GABBR2: variants seen among roughly 807,000 people sequenced by gnomAD.
The protein encoded by GABBR2 is gamma-aminobutyric acid type B receptor subunit 2, also known as G-protein coupled receptor 51.
Under a neutral mutation model 105.6 loss-of-function variants are expected in GABBR2, and 23 were observed. The observed-to-expected ratio is 0.22, with a 90% CI of 0.16 to 0.31. GABBR2 has a LOEUF of 0.31. GABBR2 is among the 10% of genes least tolerant of loss of function. GABBR2 has a pLI of 1.00. For missense variants in GABBR2, 734 were observed against 1,245.5 expected, an observed-to-expected ratio of 0.59 and a Z score of 6.18; for synonymous variants, 478 against 499.7, an observed-to-expected ratio of 0.96 and a Z score of 0.58.
chr9:98,302,960 T>C, intron 16 of GABBR2: 1 of 425,824 alleles, frequency 2.3e-6, no homozygotes, highest in Non-Finnish European at 4.1e-6. Flanking sequence ...ATCCAGAAGC[T>C]CACAAATCTC....
chr9:98,636,859 C>T (rs892159616), intron 1 of GABBR2, among the ~76,000 whole-genome samples: 1 of 152,148 alleles, frequency 6.6e-6, no homozygotes, highest in Non-Finnish European at 1.5e-5. Context: ...AATCTCCCAA[C>T]CCACACTAAA....
chr9:98,567,988 A>G (rs1378175185), intron 2 of GABBR2, among the ~76,000 whole-genome samples: 1 of 152,076 alleles, frequency 6.6e-6, no homozygotes, highest in East Asian at 1.9e-4. Context: ...TAAATATAGC[A>G]TGAGTCAGTG....
chr9:98,495,657 C>T (rs759064449), intron 4 of GABBR2, among the ~76,000 whole-genome samples: 8 of 152,162 alleles, frequency 5.3e-5, no homozygotes, highest in Non-Finnish European at 7.4e-5. Context: ...TCTGATCTTC[C>T]CTCCTACCGT....
chr9:98,468,785 G>A (rs1014837090), intron 6 of GABBR2, among the ~76,000 whole-genome samples: 16 of 152,282 alleles, frequency 1.1e-4, no homozygotes, highest in East Asian at 1.9e-4. Flanking sequence ...GATCCACACC[G>A]GATCTCTGGA....
chr9:98,378,653 C>A (rs1374847457), intron 11 of GABBR2, among the ~76,000 whole-genome samples: 3 of 152,222 alleles, frequency 2.0e-5, no homozygotes, highest in Admixed American at 2.0e-4. Flanking sequence ...GCATTCCATC[C>A]AGACCCCCAG....
At chr9:98,466,257 A>T (rs1826550953) in intron 6 of GABBR2, among the ~76,000 whole-genome samples, 1 of 152,170 alleles carries the variant, frequency 6.6e-6, no homozygotes, top group African/African-American at 2.4e-5. Flanking sequence ...TGAAGATACT[A>T]AAAAAAGCTG....
At chr9:98,354,264 A>C (rs486954) in intron 13 of GABBR2, among the ~76,000 whole-genome samples, 84,048 of 152,102 alleles carry the variant, frequency 0.55, 25,300 homozygotes, top group Admixed American at 0.67. Flanking sequence ...GAGTAGATTT[A>C]GCACAATTCT....
intron 14 of GABBR2, among the ~76,000 whole-genome samples, chr9:98,309,005 C>T (rs1369419213): frequency 6.6e-6 from 1 of 152,126 alleles, no homozygotes; most frequent in Non-Finnish European, 1.5e-5. Context: ...AAACATCTGG[C>T]AGTGGGGTGG....
At chr9:98,554,629 A>G (rs533558894) in intron 2 of GABBR2, among the ~76,000 whole-genome samples, 1 of 152,286 alleles carries the variant, frequency 6.6e-6, no homozygotes, top group African/African-American at 2.4e-5. Context: ...GCTGCCTATC[A>G]CCCAGTTTAA....
At chr9:98,503,419 T>C (rs911637586) in intron 3 of GABBR2, among the ~76,000 whole-genome samples, 2 of 151,982 alleles carry the variant, frequency 1.3e-5, no homozygotes, top group Admixed American at 1.3e-4. Flanking sequence ...TTTTAAGTGA[T>C]GGAGTGACAT....
At chr9:98,662,253 C>A (rs1388124415) in intron 1 of GABBR2, among the ~76,000 whole-genome samples, 1 of 152,146 alleles carries the variant, frequency 6.6e-6, no homozygotes, top group East Asian at 1.9e-4. Flanking sequence ...CTGTGGCATG[C>A]TGAAGCAGTG....
At chr9:98,611,233 T>C (rs1829501297) in intron 1 of GABBR2, among the ~76,000 whole-genome samples, 2 of 152,192 alleles carry the variant, frequency 1.3e-5, no homozygotes, top group Non-Finnish European at 2.9e-5. Context: ...TGTAAGGCCC[T>C]CTGTGGCATG....
intron 5 of GABBR2, among the ~76,000 whole-genome samples, chr9:98,477,198 G>A (rs2808556): frequency 0.41 from 62,750 of 152,050 alleles, 14,338 homozygotes; most frequent in Non-Finnish European, 0.51. Context: ...GTTGTGGACC[G>A]ACCGAATGAA....
intron 3 of GABBR2, among the ~76,000 whole-genome samples, chr9:98,513,513 A>G (rs1467710694): frequency 2.0e-5 from 3 of 152,158 alleles, no homozygotes; most frequent in Non-Finnish European, 1.5e-5. Context: ...CTCATCTGAC[A>G]AAGGGTTAAT....
chr9:98,607,556 C>A, intron 1 of GABBR2: 1 of 648,010 alleles, frequency 1.5e-6, no homozygotes, highest in African/African-American at 1.8e-5. Context: ...GACCATTTAC[C>A]TGTTGGTGTG....
intron 1 of GABBR2, among the ~76,000 whole-genome samples, chr9:98,661,489 T>C (rs1355685282): frequency 5.9e-5 from 9 of 151,866 alleles, no homozygotes; most frequent in Non-Finnish European, 1.2e-4. Flanking sequence ...CAAACTCCAC[T>C]TCCCAGTTTC....
At chr9:98,631,807 G>C (rs1311695834) in intron 1 of GABBR2, among the ~76,000 whole-genome samples, 6 of 152,310 alleles carry the variant, frequency 3.9e-5, no homozygotes, top group African/African-American at 1.4e-4. Flanking sequence ...GATTTCAGCA[G>C]CTTTTAGTCC....
At chr9:98,573,456 T>C (rs1828863604) in intron 2 of GABBR2, among the ~76,000 whole-genome samples, 2 of 152,138 alleles carry the variant, frequency 1.3e-5, no homozygotes, top group African/African-American at 4.8e-5. Flanking sequence ...CTAAATTTTA[T>C]AATTTTTTGT....
chr9:98,659,526 CTTTT>C (rs149511264), intron 1 of GABBR2, among the ~76,000 whole-genome samples: 5 of 35,190 alleles, frequency 1.4e-4, no homozygotes, highest in South Asian at 2.2e-3. Flanking sequence ...CTTTTCTTTT[CTTTT>C]TTTTTTTTTT....
Sources: gnomAD v4.1 joint callset for allele counts (sites outside exome capture counted in the v4.1 genomes callset) on GRCh38, gnomAD v4.1.1 for gene constraint, MANE v1.5 for transcripts, NCBI Gene and HGNC (gene_info 2026-07-23, HGNC 2026-07-21) for gene names.